Variants in MGST2 observed in about 807,000 individuals in gnomAD.
MGST2 encodes glutathione peroxidase MGST2.
Under a neutral mutation model 16.6 loss-of-function variants are expected in MGST2, and 9 were observed. The ratio of observed to expected loss-of-function variants is 0.54; its 90% confidence interval spans 0.33 to 0.95. The LOEUF (loss-of-function observed/expected upper bound fraction) is 0.95, where lower values mean the gene tolerates loss of function less well. Among genes scored for constraint, MGST2 ranks in the 40% least tolerant of loss-of-function variants. The pLI is 0.03. For missense variants in MGST2, 159 were observed against 175.1 expected (o/e 0.91, Z 0.52); for synonymous variants, 79 against 68.0 (o/e 1.16, Z -0.79).
intron 3 of MGST2, chr4:139,698,056 A>G: frequency 4.9e-6 from 4 of 821,492 alleles, no homozygotes; most frequent in Non-Finnish European, 7.5e-6. Context: ...ATGGAAAAAA[A>G]TTATCTAACG....
chr4:139,753,344 CT>C, the MGST2 span, among the ~76,000 whole-genome samples: 5 of 119,706 alleles, frequency 4.2e-5, no homozygotes, highest in Admixed American at 4.0e-4. Flanking sequence ...TCTTTTTAAT[CT>C]ATCTATCTAT....
chr4:139,704,246 T>C, downstream of MGST2: 1 of 1,457,892 alleles, frequency 6.9e-7, no homozygotes, highest in Non-Finnish European at 9.5e-7. Flanking sequence ...ATTCTGTTTT[T>C]CTTGAAATGG....
At chr4:139,671,508 C>CG (rs8192025) in intron 1 of MGST2, among the ~76,000 whole-genome samples, 24,940 of 152,084 alleles carry the variant, frequency 0.16, 2,229 homozygotes, top group East Asian at 0.35. Context: ...CTCTGTCGCC[C>CG]GGGCTGGAGT....
chr4:139,669,706 T>C (rs1009438724), intron 1 of MGST2, among the ~76,000 whole-genome samples: 3 of 152,262 alleles, frequency 2.0e-5, no homozygotes, highest in Non-Finnish European at 4.4e-5. Flanking sequence ...GAAGGTTCAC[T>C]GAACGTCAAC....
chr4:139,720,261 G>T (rs772679392), intron 5 of MGST2: 4 of 1,593,366 alleles, frequency 2.5e-6, no homozygotes, highest in Non-Finnish European at 3.4e-6. Flanking sequence ...GCCATCAGCC[G>T]TGACGTTCGC....
intron 2 of MGST2, among the ~76,000 whole-genome samples, chr4:139,684,968 T>C (rs1249906999): frequency 1.3e-5 from 2 of 152,084 alleles, no homozygotes; most frequent in Admixed American, 6.5e-5. Context: ...CCTTATTCAG[T>C]TTTTCAACCA....
intron 2 of MGST2, among the ~76,000 whole-genome samples, chr4:139,680,060 C>G (rs1731157621): frequency 6.6e-6 from 1 of 152,244 alleles, no homozygotes; most frequent in South Asian, 2.1e-4. Context: ...TTCTGTATTT[C>G]TAAACATTAT....
rs530614407 is a variant in MGST2, at chr4:139,714,338, C to T, written c.*48+10142C>T. ...GGACATAAACACTGATTTTTTCCCC[C>T]CATTCATTTAACTATTTGCACACAG... On this transcript the variant is annotated intron_variant, in intron 5 of 5. Coordinates refer to the MGST2 transcript ENST00000616265. Among the ~76,000 whole-genome samples the T allele has an allele frequency of 2.6e-5, 4 of 152,210 alleles. No individual in the cohort carries two copies. In the South Asian group the frequency reaches 6.2e-4, roughly 24 times the overall value.
downstream of MGST2, among the ~76,000 whole-genome samples, chr4:139,709,071 A>AATTTTTTTTTTTTTTT (rs755140695): frequency 2.4e-5 from 2 of 81,970 alleles, no homozygotes; most frequent in Non-Finnish European, 2.2e-5. Context: ...AATGGAAAAA[A>AATTTTTTTTTTTTTTT]TTTTTTTTTT....
At chr4:139,734,697 C>T (rs1728862595) in intron 5 of MGST2, among the ~76,000 whole-genome samples, 1 of 152,254 alleles carries the variant, frequency 6.6e-6, no homozygotes, top group Non-Finnish European at 1.5e-5. Context: ...AAAATATCTC[C>T]CAAGAACAGC....
chr4:139,699,382 C>A (rs1469969099), intron 3 of MGST2, among the ~76,000 whole-genome samples: 1 of 151,944 alleles, frequency 6.6e-6, no homozygotes, highest in Non-Finnish European at 1.5e-5. Context: ...ATATATATAT[C>A]TATATAGTCT....
intron 1 of MGST2, among the ~76,000 whole-genome samples, chr4:139,675,101 G>A (rs531315971): frequency 2.6e-5 from 4 of 152,300 alleles, no homozygotes; most frequent in African/African-American, 9.6e-5. Context: ...TGAAGACGTT[G>A]TCTTTAGTTT....
intron 1 of MGST2, among the ~76,000 whole-genome samples, chr4:139,675,889 G>A (rs369001074): frequency 5.3e-5 from 8 of 152,110 alleles, no homozygotes; most frequent in African/African-American, 1.9e-4. Context: ...CATGCATTCC[G>A]GAGATGTATA....
rs148555249 is a variant in MGST2 at position 139,687,245 on chromosome 4, T to C, written c.159-7952T>C. ...AACAACACAGTAGTTGTTCCCCTGG[T>C]TTCTCACTGAAGAGTGAATGGGGAT... On this transcript the variant is annotated intron_variant, in intron 2 of 4. Transcript: ENST00000265498. Among the ~76,000 whole-genome samples, 1,490 of 152,312 alleles carry C rather than the reference T, an allele frequency of 9.8e-3. 16 individuals carry two copies. The highest frequency in any genetic ancestry group is 0.02 in the Middle Eastern group (6 of 294).
chr4:139,714,237 C>T (rs1014206205), intron 5 of MGST2, among the ~76,000 whole-genome samples: 11 of 152,176 alleles, frequency 7.2e-5, no homozygotes, highest in African/African-American at 2.2e-4. Context: ...CACAGAAAAA[C>T]GAATTCATGG....
chr4:139,693,876 G>A (rs1256804085), intron 2 of MGST2, among the ~76,000 whole-genome samples: 2 of 152,156 alleles, frequency 1.3e-5, no homozygotes, highest in Non-Finnish European at 2.9e-5. Flanking sequence ...GGGGACTGAT[G>A]GTCACTCTCC....
chr4:139,713,416 C>T (rs1727810907), intron 5 of MGST2, among the ~76,000 whole-genome samples: 2 of 143,436 alleles, frequency 1.4e-5, no homozygotes, highest in Admixed American at 1.4e-4. Flanking sequence ...CCCAAGGAGT[C>T]CCAGGCTACC....
the MGST2 span, among the ~76,000 whole-genome samples, chr4:139,751,696 A>C: frequency 1.3e-5 from 2 of 152,322 alleles, no homozygotes; most frequent in Admixed American, 1.3e-4. Flanking sequence ...GGTGGGTTTG[A>C]TGGACCCCAG....
chr4:139,703,193 T>C (rs565234965), intron 3 of MGST2, among the ~76,000 whole-genome samples: 1 of 151,940 alleles, frequency 6.6e-6, no homozygotes, highest in Non-Finnish European at 1.5e-5. Flanking sequence ...TCTCAAAGTG[T>C]TGGGAATACA....
Sources: allele counts gnomAD v4.1 joint callset (sites outside exome capture counted in the v4.1 genomes callset), GRCh38; gene constraint gnomAD v4.1.1; transcripts MANE v1.5; gene names NCBI Gene and HGNC (gene_info 2026-07-23, HGNC 2026-07-21).